Variants in DNAH3 observed in about 807,000 individuals in gnomAD.
The protein encoded by DNAH3 is axonemal beta dynein heavy chain 3.
DNAH3 carries 332 observed loss-of-function variants against 432.5 expected under a neutral mutation model. The observed-to-expected ratio is 0.77, with a 90% CI of 0.70 to 0.84. DNAH3 has a LOEUF of 0.84. DNAH3 is among the 40% of genes least tolerant of loss of function. DNAH3 has a pLI of 0.00. For missense variants in DNAH3, 4,861 were observed against 5,114.0 expected, an observed-to-expected ratio of 0.95 and a Z score of 1.51; for synonymous variants, 1,956 against 1,900.2, an observed-to-expected ratio of 1.03 and a Z score of -0.76.
intron 18 of DNAH3, among the ~76,000 whole-genome samples, chr16:21,093,611 T>C (rs1271868062): frequency 6.6e-6 from 1 of 152,122 alleles, no homozygotes; most frequent in Admixed American, 6.6e-5. Context: ...GGGACTAAAA[T>C]ACTCAAAATA....
At position 20,975,423 on chromosome 16, in the gene DNAH3, GGA is replaced by G. The variant is rs1344246118; in HGVS notation, c.8077-10_8077-9del. On this transcript the variant is annotated splice_polypyrimidine_tract_variant and intron_variant, in intron 50 of 61. Transcript: ENST00000261383. ...TCTTTGCATAACCGCTACCTAGCAA[GGA>G]GAGAGGTGGGAGAAATCCAGGGTCA... 1.9e-6 allele frequency: 3 copies of G among 1,610,668 alleles called. No homozygotes were observed. The highest frequency in any genetic ancestry group is 8.5e-7 in the Non-Finnish European group (1 of 1,178,278).
chr16:21,069,441 A>G (rs200297181), exon 23 of DNAH3: 41 of 1,613,988 alleles, frequency 2.5e-5, no homozygotes, highest in Non-Finnish European at 1.9e-5. Flanking sequence ...GATTTCCAGT[A>G]ACTATCAACA....
rs771485389 is a variant in DNAH3 at position 20,973,684 on chromosome 16, C to G, written c.8259+1549G>C. ...AGTAGATTTTCTTCTACTACGTGAA[C>G]GTAGGTCAAGCCCTTACCAGGACTA... On this transcript the variant is annotated intron_variant, in intron 51 of 61. Transcript: ENST00000261383. Among the ~76,000 whole-genome samples the G allele has an allele frequency of 3.9e-5, 6 of 152,214 alleles. No individual in the cohort carries two copies. The East Asian group carries it at 1.2e-3, about 29-fold the overall frequency.
intron 16 of DNAH3, among the ~76,000 whole-genome samples, chr16:21,100,366 C>A (rs1208138871): frequency 6.6e-6 from 1 of 152,194 alleles, no homozygotes; most frequent in East Asian, 1.9e-4. Flanking sequence ...GCCACATATT[C>A]CGGCCTCCAT....
intron 8 of DNAH3, among the ~76,000 whole-genome samples, chr16:21,126,056 G>T (rs972845367): frequency 4.6e-5 from 7 of 152,154 alleles, no homozygotes; most frequent in African/African-American, 1.7e-4. Context: ...CCAGCTACTT[G>T]GGAGGCTGAG....
At chr16:21,111,582 G>T in intron 14 of DNAH3, 44 bp downstream of exon 14, 9 of 1,571,258 alleles carry the variant, frequency 5.7e-6, no homozygotes, top group Non-Finnish European at 7.8e-6. Flanking sequence ...GTCTCCAGTT[G>T]GTGCCAAATA....
In DNAH3 at chr16:20,970,779, G is replaced by A. The variant is rs529155105; in HGVS notation, c.8260-789C>T. 3.3e-5 allele frequency among the ~76,000 whole-genome samples: 5 copies of A among 151,932 alleles called. No individual in the cohort carries two copies. The South Asian group carries it at 6.2e-4, about 19-fold the overall frequency. On this transcript the variant is annotated intron_variant, in intron 51 of 61. Coordinates refer to ENST00000261383, the Ensembl canonical transcript of DNAH3. The stretch of plus-strand genomic sequence containing the variant: ...TTGACCAATGTAAGCAAACCATTGC[G>A]CTTGTGAATCAAGAGTTGGTGACCT...
rs375244465 is a variant in DNAH3 at position 21,049,993 on chromosome 16, T to C, written c.4264A>G (p.Asn1422Asp). ...GGACCCTCTGGAGCACCCCCAAGGT[T>C]CAGCTTCAAAGCTCCCATCAGTGTC... The change falls in exon 30 of 62, where the codon AAC (asparagine) becomes GAC (aspartate). Residue 1422 changes from asparagine (N) to aspartate (D), a missense_variant. Transcript: ENST00000261383. 90 of 1,614,070 alleles carry C rather than the reference T, an allele frequency of 5.6e-5. No individual in the cohort carries two copies. The highest frequency in any genetic ancestry group is 1.6e-4 in the Middle Eastern group (1 of 6,084).
intron 56 of DNAH3, among the ~76,000 whole-genome samples, chr16:20,950,138 G>A (rs1347761558): frequency 6.6e-6 from 1 of 152,166 alleles, no homozygotes; most frequent in Non-Finnish European, 1.5e-5. Context: ...GCAAGCCACT[G>A]TGTCCAGCTC....
At chr16:20,983,212 G>A (rs1001846184) in intron 48 of DNAH3, among the ~76,000 whole-genome samples, 8 of 152,078 alleles carry the variant, frequency 5.3e-5, no homozygotes, top group Admixed American at 3.3e-4. Context: ...TGCAACCTCC[G>A]CCTCCTGGGT....
chr16:20,967,380 T>C (rs538435477), intron 52 of DNAH3, among the ~76,000 whole-genome samples: 11 of 151,808 alleles, frequency 7.2e-5, no homozygotes, highest in Admixed American at 4.6e-4. Flanking sequence ...GCTTTGTGTA[T>C]CTCAGCAGGT....
chr16:20,962,196 A>T (rs2084853748), intron 53 of DNAH3, among the ~76,000 whole-genome samples: 1 of 152,034 alleles, frequency 6.6e-6, no homozygotes, highest in Non-Finnish European at 1.5e-5. Flanking sequence ...TAATTAAAAA[A>T]AATAATCATT....
Position 21,069,361 on chromosome 16 carries a change from TG to T in DNAH3, c.3381+53del, listed in dbSNP as rs1409040044. On this transcript the variant is annotated intron_variant, in intron 23 of 61. Transcript: ENST00000261383. Reference sequence around the variant, plus strand: ...CAAGGAAGGTGACTAGAATGCATAATGAGGAAACATTTGTATTTCTGCTGGT... The same window carrying T: ...CAAGGAAGGTGACTAGAATGCATAATAGGAAACATTTGTATTTCTGCTGGT... The T allele has an allele frequency of 5.3e-6, 8 of 1,508,918 alleles. No individual in the cohort carries two copies. In the African/African-American group the frequency reaches 1.1e-4, roughly 21 times the overall value. The allele number at this position is 1,508,918 out of a possible 1,614,324, so 93.5% of individuals were successfully genotyped here. A position where few individuals can be genotyped will look rare whatever the true frequency, so the allele number is the denominator to read the frequency against.
chr16:21,128,865 G>GAA (rs766015503), intron 7 of DNAH3, among the ~76,000 whole-genome samples: 5 of 55,822 alleles, frequency 9.0e-5, no homozygotes, highest in Admixed American at 1.7e-4. Flanking sequence ...TCTCTACAAA[G>GAA]AAAAAAAAAA....
chr16:21,012,758 T>G (rs2152703461), intron 41 of DNAH3, among the ~76,000 whole-genome samples: 1 of 152,216 alleles, frequency 6.6e-6, no homozygotes, highest in East Asian at 1.9e-4. Flanking sequence ...ATAAAACACT[T>G]TTTAATTTTT....
At position 20,959,321 on chromosome 16, in the gene DNAH3, C is replaced by CA; in HGVS notation, c.10683dup (p.Ala3562CysfsTer35). The CA allele has an allele frequency of 6.2e-7, 1 of 1,614,174 alleles. No individual in the cohort carries two copies. The highest frequency in any genetic ancestry group is 8.5e-7 in the Non-Finnish European group (1 of 1,180,036). On this transcript the variant is annotated frameshift_variant, in exon 54 of 62. Transcript: ENST00000261383. LOFTEE classifies it high-confidence loss of function. Reference sequence around the variant, plus strand: ...ATGGCATTGTTGATCATTTTGGCAGCAATAGGGCCTTGGCCTTGGCCAAGG... The same window carrying CA: ...ATGGCATTGTTGATCATTTTGGCAGCAAATAGGGCCTTGGCCTTGGCCAAGG...
At chr16:20,942,619 G>T (rs146458655) in intron 58 of DNAH3, among the ~76,000 whole-genome samples, 6 of 152,304 alleles carry the variant, frequency 3.9e-5, no homozygotes, top group African/African-American at 1.4e-4. Flanking sequence ...CTTGGAAGGT[G>T]GAGAAGGGAA....
intron 49 of DNAH3, among the ~76,000 whole-genome samples, chr16:20,981,425 T>C (rs748032544): frequency 3.3e-5 from 5 of 152,152 alleles, no homozygotes; most frequent in Non-Finnish European, 7.3e-5. Context: ...TCATTTTTCA[T>C]CCATTAATTC....
chr16:20,937,338 T>C (rs1022417638), intron 59 of DNAH3, among the ~76,000 whole-genome samples: 1 of 151,816 alleles, frequency 6.6e-6, no homozygotes, highest in African/African-American at 2.4e-5. Flanking sequence ...GACTGCAAAA[T>C]GTTCCATTTT....
Sources: allele counts gnomAD v4.1 joint callset (sites outside exome capture counted in the v4.1 genomes callset), GRCh38; gene constraint gnomAD v4.1.1; transcripts MANE v1.5; gene names NCBI Gene and HGNC (gene_info 2026-07-23, HGNC 2026-07-21).